PHTF1: variants seen among roughly 807,000 people sequenced by gnomAD.
PHTF1 encodes protein PHTF1.
In PHTF1, 88 loss-of-function variants were observed where a neutral mutation model predicts 102.4. That is an observed-to-expected ratio of 0.86 (90% CI 0.72 to 1.03). The LOEUF is 1.03. Ranked by LOEUF, PHTF1 falls within the 50% of genes least tolerant of loss-of-function variation. The pLI, the probability that PHTF1 is intolerant of heterozygous loss-of-function variation, is 0.00. For missense variants in PHTF1, 814 were observed against 909.5 expected, an observed-to-expected ratio of 0.89 and a Z score of 1.35; for synonymous variants, 289 against 305.2, an observed-to-expected ratio of 0.95 and a Z score of 0.55.
At position 113,738,784 on chromosome 1, in the gene PHTF1, G is replaced by T; in HGVS notation, c.118C>A (p.Pro40Thr). The T allele has an allele frequency of 6.2e-7, 1 of 1,600,918 alleles. No individual in the cohort carries two copies. Among genetic ancestry groups the T allele is most frequent in the Non-Finnish European group, 8.5e-7 (1 of 1,172,482 alleles). The change falls in exon 4 of 19, where the codon CCG (proline) becomes ACG (threonine). Residue 40 changes from proline (P) to threonine (T), a missense_variant. By Grantham distance (38) the Pro-to-Thr change is conservative. Transcript: ENST00000369604. ...QTQIKGLKNK[P>T]KKMGHIKPDL... The stretch of plus-strand genomic sequence containing the variant: ...GGCTTTATGTGGCCCATCTTTTTCG[G>T]TTTGTTTTTCAAACCCTAGGATAAA...
At chr1:113,703,819 GTTA>G (rs1476737209) in intron 15 of PHTF1, 3 of 407,520 alleles carry the variant, frequency 7.4e-6, no homozygotes, top group Non-Finnish European at 1.3e-5. Context: ...CAGAAAATCA[GTTA>G]TTTTGCAACC....
Position 113,706,603 on chromosome 1 carries a change from G to C in PHTF1, c.1389C>G (p.Ile463Met). ...ACATATTCAGTCTTACCCTGCTCATGATGATGCCACTTATTTCCAACACAG... is the reference window on the plus strand; with the variant it reads ...ACATATTCAGTCTTACCCTGCTCATCATGATGCCACTTATTTCCAACACAG... ...DMSVLEISGI[I>M]MSRVNAYQQG... is the part of the protein sequence containing the mutation. Residue 463 changes from isoleucine to methionine, a missense_variant, in exon 12 of 19, where the codon ATC becomes ATG. Transcript: ENST00000369604. 1 of 1,608,274 alleles carries C rather than the reference G, an allele frequency of 6.2e-7. No individual in the cohort carries two copies. Among genetic ancestry groups the C allele is most frequent in the Admixed American group, 1.7e-5 (1 of 58,326 alleles).
chr1:113,725,559 C>A (rs973404937), intron 6 of PHTF1: 2 of 152,208 alleles, frequency 1.3e-5, no homozygotes, highest in African/African-American at 4.8e-5. Context: ...GAAAATAACA[C>A]TGCATATACC....
intron 10 of PHTF1, among the ~76,000 whole-genome samples, chr1:113,710,926 A>T (rs898496668): frequency 4.6e-5 from 7 of 151,518 alleles, no homozygotes; most frequent in Non-Finnish European, 1.0e-4. Context: ...GATTACAGGC[A>T]TGAGCCACCA....
At chr1:113,745,841 T>G (rs138659381) in intron 3 of PHTF1, among the ~76,000 whole-genome samples, 89 of 152,306 alleles carry the variant, frequency 5.8e-4, no homozygotes, top group African/African-American at 2.1e-3. Flanking sequence ...TGATTCTACC[T>G]TATGGTGAGC....
chr1:113,726,169 A>C (rs6674848), intron 6 of PHTF1, among the ~76,000 whole-genome samples: 33,130 of 152,100 alleles, frequency 0.22, 4,527 homozygotes, highest in South Asian at 0.39. Flanking sequence ...TATAAAGAAT[A>C]ATATAGTATA....
At chr1:113,716,072 CT>C (rs1486192443) in intron 7 of PHTF1, among the ~76,000 whole-genome samples, 3 of 151,992 alleles carry the variant, frequency 2.0e-5, no homozygotes, top group African/African-American at 7.2e-5. Context: ...TAACAGGAAA[CT>C]TCCCAAATCT....
chr1:113,725,091 C>T (rs1361281639), intron 6 of PHTF1, among the ~76,000 whole-genome samples, 198 bp from the exon 7 acceptor site: 2 of 152,074 alleles, frequency 1.3e-5, no homozygotes, highest in African/African-American at 2.4e-5. Context: ...TCCTATGCTA[C>T]CATTTTGTTC....
chr1:113,711,872 T>C, intron 9 of PHTF1, 37 bp from the exon 10 acceptor site: 1 of 1,604,628 alleles, frequency 6.2e-7, no homozygotes, highest in Non-Finnish European at 8.5e-7. Flanking sequence ...TAGGAAAATA[T>C]GTTAAATGCT....
chr1:113,698,114 G>A (rs531943929), intron 18 of PHTF1, 148 bp downstream of exon 18: 3 of 620,632 alleles, frequency 4.8e-6, no homozygotes, highest in Non-Finnish European at 8.2e-6. Context: ...CAATCAAAAT[G>A]CCTATTTCTT....
intron 5 of PHTF1, among the ~76,000 whole-genome samples, chr1:113,727,042 G>GTATATATA (rs71590575): frequency 6.1e-5 from 9 of 148,004 alleles, no homozygotes; most frequent in African/African-American, 2.2e-4. Flanking sequence ...ACATATATGT[G>GTATATATA]TATATATATA....
intron 11 of PHTF1, among the ~76,000 whole-genome samples, chr1:113,707,369 T>C (rs867351269): frequency 3.9e-5 from 6 of 152,322 alleles, no homozygotes; most frequent in South Asian, 2.1e-4. Flanking sequence ...TATCATGTCT[T>C]ATTCTTTAAA....
chr1:113,722,923 T>G (rs1653198907), intron 7 of PHTF1, among the ~76,000 whole-genome samples: 2 of 113,248 alleles, frequency 1.8e-5, no homozygotes, highest in Non-Finnish European at 3.7e-5. Flanking sequence ...CCATCTCAAA[T>G]AAATAAATAA....
At chr1:113,731,993 A>C (rs1654731080) in intron 5 of PHTF1, among the ~76,000 whole-genome samples, 1 of 152,072 alleles carries the variant, frequency 6.6e-6, no homozygotes, top group Non-Finnish European at 1.5e-5. Context: ...AAAGAAGTCA[A>C]ATTTTCTGTC....
At chr1:113,708,703 C>A (rs1479520352) in intron 11 of PHTF1, among the ~76,000 whole-genome samples, 3 of 151,824 alleles carry the variant, frequency 2.0e-5, no homozygotes, top group Non-Finnish European at 4.4e-5. Flanking sequence ...TTAAGAAATA[C>A]AGGGAATAAA....
chr1:113,712,949 G>A lies in PHTF1; in HGVS notation c.783+330C>T, dbSNP rs552059449. Among the ~76,000 whole-genome samples, 4 of 152,130 alleles carry A rather than the reference G, an allele frequency of 2.6e-5. 1 individual carries two copies. The highest frequency in any genetic ancestry group is 2.6e-4 in the Admixed American group (4 of 15,272). On this transcript the variant is annotated intron_variant, in intron 8 of 18. Coordinates refer to ENST00000369604, the MANE Select transcript of PHTF1 (RefSeq NM_001323043.2). ...TGGGACTACAGGCGCCCGCCAACACGCCCGGCTAATTTTTTGTATTTTTAG... is the reference window on the plus strand; with the variant it reads ...TGGGACTACAGGCGCCCGCCAACACACCCGGCTAATTTTTTGTATTTTTAG...
At chr1:113,726,764 G>A (rs1415339318) in intron 5 of PHTF1, among the ~76,000 whole-genome samples, 190 bp from the exon 6 acceptor site, 1 of 152,184 alleles carries the variant, frequency 6.6e-6, no homozygotes, top group East Asian at 1.9e-4. Context: ...CTCGGCAAGT[G>A]AAGAATACTG....
rs368367033 is a variant in PHTF1, at chr1:113,706,099, C to A, written c.1462G>T (p.Ala488Ser). The A allele has an allele frequency of 5.0e-6, 8 of 1,613,988 alleles. No individual in the cohort carries two copies. The South Asian group carries it at 7.7e-5, about 16-fold the overall frequency. ...AGTCGATGTAAGAATGGAAAAAATG[C>A]TAATCCAATAGTGACAACATTTCCC... ...MLGNVVTIGL[A>S]FFPFLHRLFR... Residue 488 changes from alanine (A) to serine (S), a missense_variant, in exon 13 of 19, where the codon GCA (alanine) becomes TCA (serine). Coordinates refer to ENST00000369604, the MANE Select transcript of PHTF1 (RefSeq NM_001323043.2).
intron 7 of PHTF1, among the ~76,000 whole-genome samples, chr1:113,720,063 C>G (rs921229269): frequency 5.3e-5 from 8 of 152,270 alleles, no homozygotes; most frequent in African/African-American, 9.6e-5. Context: ...ATTACCTCCC[C>G]CTGGCTCCCT....
Sources: gnomAD v4.1 joint callset for allele counts (sites outside exome capture counted in the v4.1 genomes callset) on GRCh38, gnomAD v4.1.1 for gene constraint, MANE v1.5 for transcripts, NCBI Gene and HGNC (gene_info 2026-07-23, HGNC 2026-07-21) for gene names.